Variants in TAOK3 observed in about 807,000 individuals in gnomAD.
The protein encoded by TAOK3 is serine/threonine-protein kinase TAO3.
A neutral mutation model predicts 120.4 loss-of-function variants in TAOK3; 40 were observed. The observed-to-expected ratio is 0.33, with a 90% CI of 0.26 to 0.43. TAOK3 has a LOEUF of 0.43. Among genes scored for constraint, TAOK3 ranks in the 20% least tolerant of loss-of-function variants. The probability of loss-of-function intolerance (pLI) is 1.00; values close to 1 mark genes in which losing one functional copy is unlikely to be tolerated. For synonymous variants in TAOK3, 355 were observed against 387.5 expected, an observed-to-expected ratio of 0.92 and a Z score of 0.99; for missense variants, 821 against 1,112.1, an observed-to-expected ratio of 0.74 and a Z score of 3.72.
chr12:118,197,201 G>A (rs190878138), intron 13 of TAOK3, among the ~76,000 whole-genome samples: 85 of 152,126 alleles, frequency 5.6e-4, no homozygotes, highest in Admixed American at 2.1e-3. Flanking sequence ...CTCATCCAAA[G>A]TTTTATTTGC....
At chr12:118,166,188 G>C (rs1294373263) in intron 17 of TAOK3, among the ~76,000 whole-genome samples, 1 of 152,168 alleles carries the variant, frequency 6.6e-6, no homozygotes, top group African/African-American at 2.4e-5. Context: ...CTTCTATAAA[G>C]AGAACTGAGG....
intron 1 of TAOK3, among the ~76,000 whole-genome samples, chr12:118,283,382 G>T (rs1319825527): frequency 6.6e-6 from 1 of 152,162 alleles, no homozygotes; most frequent in Admixed American, 6.5e-5. Context: ...GGATGGAGAT[G>T]GGTAGGTGCT....
At chr12:118,205,623 T>A (rs1406523772) in intron 11 of TAOK3, among the ~76,000 whole-genome samples, 1 of 152,186 alleles carries the variant, frequency 6.6e-6, no homozygotes, top group Non-Finnish European at 1.5e-5. Flanking sequence ...CAACTTCTTT[T>A]TTTTTGAGAC....
chr12:118,323,841 C>T (rs1311874655), intron 1 of TAOK3, among the ~76,000 whole-genome samples: 1 of 151,834 alleles, frequency 6.6e-6, no homozygotes, highest in Non-Finnish European at 1.5e-5. Flanking sequence ...GGGAGGTCTT[C>T]ATGAAAAAGA....
intron 1 of TAOK3, among the ~76,000 whole-genome samples, chr12:118,324,345 A>C (rs957318484): frequency 1.3e-5 from 2 of 152,190 alleles, no homozygotes. Context: ...AATATACAAT[A>C]TAGATACATA....
rs1320093625 is a variant in TAOK3 at position 118,151,283 on chromosome 12, GCGCGCGCACA to G, written c.2536-135_2536-126del. On this transcript the variant is annotated intron_variant, in intron 20 of 20. Transcript: ENST00000392533. ...ACATAGGCACACACATGAAGTGCGC[GCGCGCGCACA>G]CACACACACACACACACACACACAC... 1.8e-4 allele frequency: 103 copies of G among 564,516 alleles called. No homozygotes were observed. In the African/African-American group the frequency reaches 3.4e-3, roughly 18 times the overall value. The allele number at this position is 564,516 out of a possible 1,614,324, so 35.0% of individuals were successfully genotyped here.
intron 20 of TAOK3, among the ~76,000 whole-genome samples, 172 bp from the exon 21 acceptor site, chr12:118,151,330 G>A (rs1188551301): frequency 2.0e-5 from 3 of 150,588 alleles, no homozygotes; most frequent in Admixed American, 1.3e-4. Flanking sequence ...GGAACTACGG[G>A]AGGACCGAGG....
chr12:118,309,640 C>T lies in TAOK3; in HGVS notation c.-193-42881G>A, dbSNP rs140161276. Among the ~76,000 whole-genome samples, 534 of 151,906 alleles carry T rather than the reference C, an allele frequency of 3.5e-3. 5 individuals carry two copies. Among genetic ancestry groups the T allele is most frequent in the African/African-American group, 0.012 (489 of 41,460 alleles). On this transcript the variant is annotated intron_variant, in intron 1 of 20. Transcript: ENST00000392533. ...AAGAGATTCTCCTGCCTCACCCTCC[C>T]GAGTAGCTGGGATTACAGGCGCCTG...
intron 1 of TAOK3, among the ~76,000 whole-genome samples, chr12:118,278,552 C>T (rs1301846378): frequency 1.3e-5 from 2 of 152,092 alleles, no homozygotes; most frequent in East Asian, 3.8e-4. Context: ...CGCTGATGGG[C>T]ATTTAGGTTG....
At chr12:118,195,965 G>A (rs1465931321) in intron 13 of TAOK3, among the ~76,000 whole-genome samples, 1 of 152,116 alleles carries the variant, frequency 6.6e-6, no homozygotes, top group African/African-American at 2.4e-5. Context: ...CAGGAGAATG[G>A]CGTGAACGCA....
intron 9 of TAOK3, among the ~76,000 whole-genome samples, chr12:118,233,296 A>G (rs1371927575): frequency 6.6e-6 from 1 of 151,374 alleles, no homozygotes; most frequent in African/African-American, 2.4e-5. Context: ...AGATATACCT[A>G]ATGTTAAATG....
At chr12:118,215,221 C>A (rs1222851489) in intron 9 of TAOK3, among the ~76,000 whole-genome samples, 2 of 136,554 alleles carry the variant, frequency 1.5e-5, no homozygotes, top group Non-Finnish European at 3.1e-5. Context: ...AATGGCCGGG[C>A]GCGGTGGCTC....
intron 11 of TAOK3, among the ~76,000 whole-genome samples, chr12:118,206,870 C>G (rs901499470): frequency 2.6e-5 from 4 of 152,110 alleles, no homozygotes; most frequent in African/African-American, 9.7e-5. Flanking sequence ...GCTGGGATTA[C>G]AGGCGTGAGC....
intron 1 of TAOK3, among the ~76,000 whole-genome samples, chr12:118,339,378 G>C (rs1396682848): frequency 7.2e-6 from 1 of 138,640 alleles, no homozygotes; most frequent in Admixed American, 8.4e-5. Flanking sequence ...TCCGCCTCCA[G>C]CGTTCAGGCG....
chr12:118,156,164 GCCTTT>G (rs936543135), intron 19 of TAOK3, among the ~76,000 whole-genome samples: 25 of 152,028 alleles, frequency 1.6e-4, no homozygotes, highest in Admixed American at 3.3e-4. Flanking sequence ...CCTTCTCTTT[GCCTTT>G]CATCTCCCTC....
At chr12:118,204,211 G>A (rs1001154747) in intron 11 of TAOK3, among the ~76,000 whole-genome samples, 1 of 149,956 alleles carries the variant, frequency 6.7e-6, no homozygotes, top group Non-Finnish European at 1.5e-5. Context: ...AGGTTGCAGT[G>A]AGCCGAGATT....
In TAOK3 at chr12:118,236,622, A is replaced by G. The variant is rs562255845; in HGVS notation, c.438-951T>C. Reference sequence around the variant, plus strand: ...TGATAAGGTTCAAATGCTTCAAAATAACTTTTATAAAAACTTCCCTTGAAA... The same window carrying G: ...TGATAAGGTTCAAATGCTTCAAAATGACTTTTATAAAAACTTCCCTTGAAA... On this transcript the variant is annotated intron_variant, in intron 7 of 20. Transcript: ENST00000392533. 2.0e-5 allele frequency: 3 copies of G among 152,272 alleles called. No individual in the cohort carries two copies. The East Asian group carries it at 5.8e-4, about 29-fold the overall frequency. 9.4% of individuals were successfully genotyped at this position (152,272 alleles called of 1,614,324 possible).
intron 1 of TAOK3, among the ~76,000 whole-genome samples, chr12:118,327,057 CA>C (rs2043963747): frequency 6.6e-6 from 1 of 152,150 alleles, no homozygotes; most frequent in East Asian, 1.9e-4. Context: ...ATGATTATTG[CA>C]AAACATCTCT....
chr12:118,207,500 T>C (rs2038388401), intron 11 of TAOK3, among the ~76,000 whole-genome samples: 1 of 152,202 alleles, frequency 6.6e-6, no homozygotes, highest in Non-Finnish European at 1.5e-5. Context: ...GCTAATTTTA[T>C]GTATAATCGA....
Sources: allele counts gnomAD v4.1 joint callset (sites outside exome capture counted in the v4.1 genomes callset), GRCh38; gene constraint gnomAD v4.1.1; transcripts MANE v1.5; gene names NCBI Gene and HGNC (gene_info 2026-07-23, HGNC 2026-07-21).